Variants in ZNF474 observed in about 807,000 individuals in gnomAD.
The protein encoded by ZNF474 is 4933409D10Rik.
For synonymous variants in ZNF474, 192 were observed against 162.2 expected (o/e 1.18, Z -1.39); for missense variants, 511 against 433.8 (o/e 1.18, Z -1.58).
intron 1 of ZNF474, among the ~76,000 whole-genome samples, chr5:122,132,863 G>T (rs1172820066): frequency 1.3e-5 from 2 of 151,936 alleles, no homozygotes; most frequent in Non-Finnish European, 2.9e-5. Context: ...TATCCTTATT[G>T]GCATATTAAT....
chr5:122,152,693 T>C lies in ZNF474; in HGVS notation c.703T>C (p.Ser235Pro), dbSNP rs750098508. Residue 235 changes from serine to proline, a missense_variant, in exon 2 of 2, where the codon TCC (serine) becomes CCC (proline). Coordinates refer to ENST00000296600, the MANE Select transcript of ZNF474 (RefSeq NM_207317.3). ...ATGTGGTAAGGAATTTGGCACCCTG[T>C]CCCTTCCTATTCATGAGCCCAAATG... is the stretch of plus-strand genomic sequence containing the variant. ...YICGKEFGTLSLPIHEPKCLE... is the reference protein window; with the variant it reads ...YICGKEFGTLPLPIHEPKCLE... 2 of 1,614,160 alleles carry C rather than the reference T, an allele frequency of 1.2e-6. No individual in the cohort carries two copies. Among genetic ancestry groups the C allele is most frequent in the South Asian group, 1.1e-5 (1 of 91,070 alleles).
At chr5:122,131,262 A>G (rs1230255633) in intron 1 of ZNF474, among the ~76,000 whole-genome samples, 1 of 152,186 alleles carries the variant, frequency 6.6e-6, no homozygotes, top group Non-Finnish European at 1.5e-5. Context: ...AAGTTCCTCA[A>G]AAAGTTAAAA....
At chr5:122,139,153 A>G (rs544533891) in intron 1 of ZNF474, among the ~76,000 whole-genome samples, 21 of 152,338 alleles carry the variant, frequency 1.4e-4, no homozygotes, top group Admixed American at 1.2e-3. Context: ...ATCAACAAAA[A>G]TTAAAACCAC....
Position 122,152,841 on chromosome 5 carries a change from T to G in ZNF474, c.851T>G (p.Leu284Arg). The stretch of plus-strand genomic sequence containing the variant: ...CAAGCGGGACCAAATCAAGCTCAGC[T>G]TGTGTTCTGCCCACATTGTAGCCGA... ...SSQAGPNQAQ[L>R]VFCPHCSRIF... The change falls in exon 2 of 2, where the codon CTT (leucine) becomes CGT (arginine). Residue 284 changes from leucine (L) to arginine (R), a missense_variant. By Grantham distance (102) the Leu-to-Arg change is moderately radical (BLOSUM62 -2). Coordinates refer to ENST00000296600, the MANE Select transcript of ZNF474 (RefSeq NM_207317.3). The G allele has an allele frequency of 6.2e-7, 1 of 1,614,168 alleles. No individual in the cohort carries two copies.
chr5:122,131,310 G>A (rs1755569926), intron 1 of ZNF474, among the ~76,000 whole-genome samples: 2 of 151,976 alleles, frequency 1.3e-5, no homozygotes, highest in Admixed American at 6.6e-5. Flanking sequence ...CCACTGCTGG[G>A]TATATATCCA....
Position 122,153,169 on chromosome 5 carries a change from C to A in ZNF474, c.*84C>A. The A allele has an allele frequency of 6.6e-7, 1 of 1,514,654 alleles. No homozygotes were observed. 93.8% of individuals were successfully genotyped at this position (1,514,654 alleles called of 1,614,324 possible). ...TCAATGCCTTGTATCAGCCTCAAAG[C>A]AGCCTGTTCAAGTTAACTCCCTGTT... On this transcript the variant is annotated 3_prime_UTR_variant, in exon 2 of 2. Coordinates refer to ENST00000296600, the MANE Select transcript of ZNF474 (RefSeq NM_207317.3).
chr5:122,151,111 T>C (rs1174481390), intron 1 of ZNF474, among the ~76,000 whole-genome samples: 1 of 152,214 alleles, frequency 6.6e-6, no homozygotes, highest in Admixed American at 6.5e-5. Flanking sequence ...TTACTTCTTC[T>C]GCAAGAGTTC....
intron 1 of ZNF474, among the ~76,000 whole-genome samples, chr5:122,150,850 G>T (rs897682966): frequency 6.6e-6 from 1 of 152,096 alleles, no homozygotes; most frequent in African/African-American, 2.4e-5. Context: ...AAACAAGAAA[G>T]TAGGTATGAT....
At chr5:122,137,568 C>G (rs986636233) in intron 1 of ZNF474, among the ~76,000 whole-genome samples, 2 of 149,628 alleles carry the variant, frequency 1.3e-5, no homozygotes, top group African/African-American at 4.9e-5. Context: ...GAGGAAGATT[C>G]TAGGCAATGG....
intron 1 of ZNF474, among the ~76,000 whole-genome samples, chr5:122,129,982 T>C (rs1488696321): frequency 6.6e-6 from 1 of 152,186 alleles, no homozygotes; most frequent in Non-Finnish European, 1.5e-5. Flanking sequence ...GGATTAGATG[T>C]TCTAATACCT....
chr5:122,142,912 T>C (rs1755885320), intron 1 of ZNF474, among the ~76,000 whole-genome samples: 1 of 152,076 alleles, frequency 6.6e-6, no homozygotes, highest in Non-Finnish European at 1.5e-5. Context: ...TAGAGGCACA[T>C]TGATTCATGC....
At chr5:122,139,755 T>C (rs889770123) in intron 1 of ZNF474, among the ~76,000 whole-genome samples, 1 of 152,170 alleles carries the variant, frequency 6.6e-6, no homozygotes, top group Non-Finnish European at 1.5e-5. Context: ...TGTTAATGCC[T>C]GTTGAAAAGA....
In ZNF474 at chr5:122,153,266, T is replaced by C. The variant is rs750028905; in HGVS notation, c.*181T>C. The C allele has an allele frequency of 4.5e-4, 286 of 628,776 alleles. 1 individual carries two copies. The highest frequency in any genetic ancestry group is 7.0e-4 in the Non-Finnish European group (271 of 385,578). The allele number at this position is 628,776 out of a possible 1,614,324, so 38.9% of individuals were successfully genotyped here. ...TCCTTGCCTGATGGGTTCATATTCC[T>C]CTTCAATTCTGCTGTCTAAAAGAAG... On this transcript the variant is annotated 3_prime_UTR_variant, in exon 2 of 2. Transcript: ENST00000296600.
At chr5:122,135,794 G>A (rs1396861005) in intron 1 of ZNF474, among the ~76,000 whole-genome samples, 1 of 152,056 alleles carries the variant, frequency 6.6e-6, no homozygotes, top group Non-Finnish European at 1.5e-5. Context: ...TATACTCAAT[G>A]GAATATTATT....
At chr5:122,141,298 C>CTTTT (rs1755838890) in intron 1 of ZNF474, among the ~76,000 whole-genome samples, 1 of 102,200 alleles carries the variant, frequency 9.8e-6, no homozygotes, top group African/African-American at 4.3e-5. Flanking sequence ...TTACCCCTGG[C>CTTTT]TATTTTTTTT....
chr5:122,139,907 G>A (rs113725708), intron 1 of ZNF474, among the ~76,000 whole-genome samples: 112 of 152,296 alleles, frequency 7.4e-4, no homozygotes, highest in Middle Eastern at 3.4e-3. Context: ...AGTGGTCTTC[G>A]TAGAGAGGAC....
intron 1 of ZNF474, among the ~76,000 whole-genome samples, chr5:122,138,685 A>C (rs1357398302): frequency 6.6e-6 from 1 of 152,180 alleles, no homozygotes; most frequent in East Asian, 1.9e-4. Context: ...GCATGGATTA[A>C]TTACTAAATG....
chr5:122,136,629 T>C (rs926924712), intron 1 of ZNF474, among the ~76,000 whole-genome samples: 3 of 152,234 alleles, frequency 2.0e-5, no homozygotes, highest in Non-Finnish European at 4.4e-5. Context: ...TCATTTATCT[T>C]GGATTCAGTA....
chr5:122,139,981 C>T (rs568788995), intron 1 of ZNF474, among the ~76,000 whole-genome samples: 1 of 152,132 alleles, frequency 6.6e-6, no homozygotes, highest in African/African-American at 2.4e-5. Flanking sequence ...TTCCTGATGC[C>T]TATTATTGGT....
Sources: allele counts gnomAD v4.1 joint callset (sites outside exome capture counted in the v4.1 genomes callset), GRCh38; gene constraint gnomAD v4.1.1; transcripts MANE v1.5; gene names NCBI Gene and HGNC (gene_info 2026-07-23, HGNC 2026-07-21).